The following PCTP variants were observed in gnomAD, a reference collection of about 807,000 sequenced individuals.
PCTP encodes the protein START domain-containing protein 2.
PCTP carries 27 observed loss-of-function variants against 31.0 expected under a neutral mutation model. The observed-to-expected ratio is 0.87, with a 90% CI of 0.64 to 1.20. The LOEUF (loss-of-function observed/expected upper bound fraction) is 1.20, where lower values mean the gene tolerates loss of function less well. Among genes scored for constraint, PCTP ranks in the 50% most tolerant of loss-of-function variants. The pLI is 0.00. For synonymous variants in PCTP, 108 were observed against 101.2 expected (o/e 1.07, Z -0.40); for missense variants, 287 against 268.2 (o/e 1.07, Z -0.49).
intron 3 of PCTP, among the ~76,000 whole-genome samples, chr17:55,792,935 A>C (rs1352569136): frequency 6.6e-6 from 1 of 152,066 alleles, no homozygotes; most frequent in Non-Finnish European, 1.5e-5. Context: ...AAGGGTATGG[A>C]TGAGTTCCCC....
intron 4 of PCTP, 66 bp downstream of exon 4, chr17:55,773,961 G>C: frequency 6.7e-7 from 1 of 1,488,790 alleles, no homozygotes; most frequent in Non-Finnish European, 9.0e-7. Context: ...CAGGCTGATG[G>C]GGGGACATGT....
the PCTP span, among the ~76,000 whole-genome samples, chr17:55,850,350 T>A: frequency 1.3e-5 from 2 of 152,224 alleles, no homozygotes; most frequent in African/African-American, 4.8e-5. Flanking sequence ...CCTAAAAGCT[T>A]ATTAAACTGC....
chr17:55,822,101 T>A (rs1455664778), intron 3 of PCTP, among the ~76,000 whole-genome samples: 1 of 152,326 alleles, frequency 6.6e-6, no homozygotes, highest in East Asian at 1.9e-4. Context: ...GTGAGTCCTG[T>A]TACTGTTGGC....
chr17:55,826,299 T>A (rs1056754340), downstream of PCTP, among the ~76,000 whole-genome samples: 11 of 152,144 alleles, frequency 7.2e-5, no homozygotes, highest in African/African-American at 2.7e-4. Context: ...ACAGAAGTAC[T>A]TGAGTGTAAA....
At chr17:55,824,223 G>A (rs1203691989), downstream of PCTP, among the ~76,000 whole-genome samples, 1 of 151,902 alleles carries the variant, frequency 6.6e-6, no homozygotes, top group Non-Finnish European at 1.5e-5. Flanking sequence ...ACTGACCTGG[G>A]TCTTCTTGCT....
chr17:55,825,387 G>A (rs1408704989), downstream of PCTP, among the ~76,000 whole-genome samples: 1 of 152,170 alleles, frequency 6.6e-6, no homozygotes, highest in Non-Finnish European at 1.5e-5. Context: ...GAAAAACAAA[G>A]GTAAAATGTT....
downstream of PCTP, among the ~76,000 whole-genome samples, chr17:55,845,832 G>A (rs1401533184): frequency 6.6e-6 from 1 of 151,362 alleles, no homozygotes. Flanking sequence ...GCCACTTTTG[G>A]ATCAACAGCT....
chr17:55,852,167 A>G, the PCTP span, among the ~76,000 whole-genome samples: 6 of 152,228 alleles, frequency 3.9e-5, no homozygotes, highest in Non-Finnish European at 5.9e-5. Context: ...GAAGTAATAT[A>G]TACTAGAATC....
At position 55,773,843 on chromosome 17, in the gene PCTP, G is replaced by A. The variant is rs1425072531; in HGVS notation, c.459G>A (p.Lys153=). 6.2e-7 allele frequency: 1 copy of A among 1,612,986 alleles called. No homozygotes were observed. The highest frequency in any genetic ancestry group is 8.5e-7 in the Non-Finnish European group (1 of 1,179,500). The change falls in exon 4 of 6, where the codon AAG becomes AAA. Residue 153 remains lysine (K), a synonymous_variant. Transcript: ENST00000268896. ...LGERSGVIRV[K]QYKQSLAIES... ...AGAGGTCTGGGGTGATCCGGGTGAA[G>A]CAATACAAGCAGAGCCTGGCGATCG...
At chr17:55,770,920 A>C in intron 2 of PCTP, 186 bp from the exon 3 acceptor site, 1 of 473,956 alleles carries the variant, frequency 2.1e-6, no homozygotes, top group South Asian at 2.9e-5. Context: ...ATATATAGAG[A>C]TGGGGTTTCA....
chr17:55,818,372 G>A (rs1912999250), intron 3 of PCTP, among the ~76,000 whole-genome samples: 1 of 152,196 alleles, frequency 6.6e-6, no homozygotes, highest in South Asian at 2.1e-4. Flanking sequence ...GGTGCCCTGA[G>A]TTCTATCTCA....
downstream of PCTP, among the ~76,000 whole-genome samples, chr17:55,778,621 G>C (rs1162011108): frequency 9.4e-5 from 9 of 95,562 alleles, no homozygotes; most frequent in African/African-American, 4.6e-4. Flanking sequence ...GGTGCGGGGT[G>C]GGCGGTTTCT....
downstream of PCTP, among the ~76,000 whole-genome samples, chr17:55,827,310 TGAGG>T (rs1204914394): frequency 2.0e-5 from 3 of 152,122 alleles, no homozygotes; most frequent in Non-Finnish European, 4.4e-5. Flanking sequence ...AGGAGGGACA[TGAGG>T]TCAAGACACC....
chr17:55,806,577 C>T (rs1406859186), intron 3 of PCTP, among the ~76,000 whole-genome samples: 1 of 152,056 alleles, frequency 6.6e-6, no homozygotes, highest in Non-Finnish European at 1.5e-5. Context: ...ACATCCTACC[C>T]TAGGATGATG....
chr17:55,832,756 G>C (rs763577215), intron 5 of PCTP, among the ~76,000 whole-genome samples: 1 of 152,176 alleles, frequency 6.6e-6, no homozygotes, highest in Non-Finnish European at 1.5e-5. Flanking sequence ...TATGTTCGAT[G>C]GGCTAAAACA....
At chr17:55,831,609 A>T (rs544854946) in intron 5 of PCTP, among the ~76,000 whole-genome samples, 3 of 152,304 alleles carry the variant, frequency 2.0e-5, no homozygotes, top group Non-Finnish European at 4.4e-5. Context: ...TAACTTCAGA[A>T]AATGTTGTGT....
intron 3 of PCTP, among the ~76,000 whole-genome samples, chr17:55,811,011 T>C (rs9911793): frequency 0.38 from 57,073 of 152,078 alleles, 16,601 homozygotes; most frequent in African/African-American, 0.82. Flanking sequence ...GGATAGTTGT[T>C]CCAAGCTATT....
At position 55,756,721 on chromosome 17, in the gene PCTP, G is replaced by A. The variant is rs1397047323; in HGVS notation, c.141+5477G>A. Among the ~76,000 whole-genome samples the A allele has an allele frequency of 1.4e-4, 20 of 146,002 alleles. 1 individual carries two copies. Among genetic ancestry groups the A allele is most frequent in the Admixed American group, 9.5e-4 (14 of 14,774 alleles). On this transcript the variant is annotated intron_variant, in intron 1 of 5. Coordinates refer to ENST00000268896, the MANE Select transcript of PCTP (RefSeq NM_021213.4). ...GTGTGTGTGTGTATTATGAATGTGT[G>A]TGTGTGTGTGTGTGTGTGTGTATAT...
downstream of PCTP, among the ~76,000 whole-genome samples, chr17:55,824,841 G>T (rs1264059554): frequency 6.6e-6 from 1 of 152,078 alleles, no homozygotes; most frequent in Non-Finnish European, 1.5e-5. Context: ...CCAAAGCACG[G>T]TATAGACTTT....
Sources: allele counts gnomAD v4.1 joint callset (sites outside exome capture counted in the v4.1 genomes callset), GRCh38; gene constraint gnomAD v4.1.1; transcripts MANE v1.5; gene names NCBI Gene and HGNC (gene_info 2026-07-23, HGNC 2026-07-21).